KLHL18: variants seen among roughly 807,000 people sequenced by gnomAD.
KLHL18 encodes kelch like family member 18.
Under a neutral mutation model 58.5 loss-of-function variants are expected in KLHL18, and 38 were observed. The observed-to-expected ratio is 0.65, with a 90% confidence interval of 0.50 to 0.85. The LOEUF is 0.85. KLHL18 is among the 40% of genes least tolerant of loss of function. The probability of loss-of-function intolerance (pLI) is 0.00; values close to 1 mark genes in which losing one functional copy is unlikely to be tolerated. For missense variants in KLHL18, 624 were observed against 778.4 expected, an observed-to-expected ratio of 0.80 and a Z score of 2.36; for synonymous variants, 303 against 301.9, an observed-to-expected ratio of 1.00 and a Z score of -0.04.
intron 3 of KLHL18, among the ~76,000 whole-genome samples, chr3:47,324,276 C>T (rs1217925994): frequency 2.0e-5 from 1 of 49,314 alleles, no homozygotes; most frequent in Admixed American, 2.5e-4. Flanking sequence ...AAAATGACTT[C>T]CTTTTTTCTT....
intron 1 of KLHL18, among the ~76,000 whole-genome samples, chr3:47,309,755 C>G (rs904360782): frequency 6.6e-6 from 1 of 151,908 alleles, no homozygotes; most frequent in Non-Finnish European, 1.5e-5. Flanking sequence ...CCCGGCACCT[C>G]GGGAGGCCGA....
intron 1 of KLHL18, among the ~76,000 whole-genome samples, chr3:47,294,465 T>C (rs1407182505): frequency 3.9e-5 from 6 of 152,112 alleles, no homozygotes; most frequent in African/African-American, 1.4e-4. Context: ...CCTCTCTTAA[T>C]AGAGATCTAA....
chr3:47,304,633 A>T (rs1270847270), intron 1 of KLHL18, among the ~76,000 whole-genome samples: 1 of 152,192 alleles, frequency 6.6e-6, no homozygotes, highest in Non-Finnish European at 1.5e-5. Context: ...TGATTTTTGT[A>T]TGTTGATCTT....
chr3:47,297,365 C>G (rs944892655), intron 1 of KLHL18, among the ~76,000 whole-genome samples: 1 of 152,178 alleles, frequency 6.6e-6, no homozygotes, highest in Admixed American at 6.5e-5. Flanking sequence ...GGCTGGCAGT[C>G]AGGCCATCAG....
intron 4 of KLHL18, among the ~76,000 whole-genome samples, chr3:47,332,816 C>T (rs1703895401): frequency 6.6e-6 from 1 of 151,892 alleles, no homozygotes; most frequent in Non-Finnish European, 1.5e-5. Flanking sequence ...GAGAACCAGC[C>T]CAGCCTTGCC....
intron 7 of KLHL18, chr3:47,337,042 A>T (rs893563002): frequency 2.9e-6 from 1 of 349,788 alleles, no homozygotes; most frequent in Non-Finnish European, 5.3e-6. Context: ...TGTATTATGG[A>T]AGATTCGAAG....
chr3:47,312,022 T>C (rs1026785793), intron 1 of KLHL18, among the ~76,000 whole-genome samples: 1 of 152,262 alleles, frequency 6.6e-6, no homozygotes, highest in African/African-American at 2.4e-5. Context: ...TTAGTCTTTC[T>C]CATTTGAATT....
intron 1 of KLHL18, among the ~76,000 whole-genome samples, chr3:47,293,692 A>G (rs1343852065): frequency 6.6e-6 from 1 of 152,230 alleles, no homozygotes; most frequent in South Asian, 2.1e-4. Context: ...ATGTCTTCCA[A>G]GTAAAGGTGT....
At chr3:47,322,974 C>T (rs1703624476) in intron 3 of KLHL18, among the ~76,000 whole-genome samples, 1 of 152,192 alleles carries the variant, frequency 6.6e-6, no homozygotes, top group African/African-American at 2.4e-5. Context: ...CCCCTCCGAT[C>T]TCACCAGCCA....
chr3:47,328,663 A>G (rs1317511540), intron 3 of KLHL18, among the ~76,000 whole-genome samples: 1 of 152,084 alleles, frequency 6.6e-6, no homozygotes, highest in East Asian at 1.9e-4. Flanking sequence ...ATCTCAAGGG[A>G]CTGTGAGCAC....
At chr3:47,303,620 G>C (rs891564474) in intron 1 of KLHL18, among the ~76,000 whole-genome samples, 1 of 152,164 alleles carries the variant, frequency 6.6e-6, no homozygotes, top group Non-Finnish European at 1.5e-5. Context: ...GCAAGCTCTC[G>C]TTCTGTCACC....
chr3:47,306,870 CCT>C (rs1022084595), intron 1 of KLHL18, among the ~76,000 whole-genome samples: 2 of 152,062 alleles, frequency 1.3e-5, no homozygotes, highest in African/African-American at 4.8e-5. Flanking sequence ...CTAGCATTCC[CCT>C]GATTATTACT....
chr3:47,329,876 C>A, intron 3 of KLHL18, 75 bp from the exon 4 acceptor site: 1 of 1,332,190 alleles, frequency 7.5e-7, no homozygotes, highest in Non-Finnish European at 1.1e-6. Flanking sequence ...TGGCTCTACC[C>A]AGAACCAGCC....
At chr3:47,324,065 T>C (rs1703650490) in intron 3 of KLHL18, among the ~76,000 whole-genome samples, 1 of 152,110 alleles carries the variant, frequency 6.6e-6, no homozygotes, top group African/African-American at 2.4e-5. Context: ...AGGTAAGTGG[T>C]GCTGTTCGCA....
At chr3:47,327,454 C>T (rs1335564001) in intron 3 of KLHL18, among the ~76,000 whole-genome samples, 1 of 152,200 alleles carries the variant, frequency 6.6e-6, no homozygotes, top group Non-Finnish European at 1.5e-5. Flanking sequence ...AGGTTGATGT[C>T]AAAGTGTTAG....
chr3:47,334,824 C>T lies in KLHL18; in HGVS notation c.898+5C>T. 1.2e-6 allele frequency: 2 copies of T among 1,609,238 alleles called. No homozygotes were observed. The highest frequency in any genetic ancestry group is 1.7e-6 in the Non-Finnish European group (2 of 1,177,608). ...TAGGGGGCCTCAACTCAGCAGGTAC[C>T]TTGCGGCTCCCCTTTATAGACCCTC... On this transcript the variant is annotated splice_donor_5th_base_variant and intron_variant, in intron 6 of 9. Transcript: ENST00000232766. This position sits in a 1 kb window ranked among gnomAD's most constrained non-coding sequence, Gnocchi z 4.7.
intron 1 of KLHL18, among the ~76,000 whole-genome samples, chr3:47,298,591 A>G (rs1702948213): frequency 6.6e-6 from 1 of 152,200 alleles, no homozygotes; most frequent in African/African-American, 2.4e-5. Context: ...TAAGGATTAG[A>G]TAAGTTAGTT....
intron 1 of KLHL18, among the ~76,000 whole-genome samples, chr3:47,284,450 C>T (rs1273306000): frequency 6.6e-6 from 1 of 151,242 alleles, no homozygotes; most frequent in Non-Finnish European, 1.5e-5. Context: ...ATTCTCCTGC[C>T]TCAGCCTCCC....
At chr3:47,339,229 T>A (rs1005953865) in intron 7 of KLHL18, among the ~76,000 whole-genome samples, 1 of 151,964 alleles carries the variant, frequency 6.6e-6, no homozygotes, top group Non-Finnish European at 1.5e-5. Context: ...GCACAGTGGC[T>A]CACACCTGTA....
Sources: allele counts gnomAD v4.1 joint callset (sites outside exome capture counted in the v4.1 genomes callset), GRCh38; gene constraint gnomAD v4.1.1; non-coding constraint Gnocchi (gnomAD v3.1); transcripts MANE v1.5; gene names NCBI Gene and HGNC (gene_info 2026-07-23, HGNC 2026-07-21).